DLGAP1: variants seen among roughly 807,000 people sequenced by gnomAD.
The protein encoded by DLGAP1 is DLG associated protein 1, also known as disks large-associated protein 1.
A neutral mutation model predicts 90.8 loss-of-function variants in DLGAP1; 11 were observed. The ratio of observed to expected loss-of-function variants is 0.12; its 90% CI spans 0.08 to 0.20. The LOEUF (loss-of-function observed/expected upper bound fraction) is 0.20, where lower values mean the gene tolerates loss of function less well. Among genes scored for constraint, DLGAP1 ranks in the 10% least tolerant of loss-of-function variants. The pLI is 1.00. For missense variants in DLGAP1, 1,050 were observed against 1,333.8 expected (o/e 0.79, Z 3.31); for synonymous variants, 558 against 540.7 (o/e 1.03, Z -0.44).
intron 1 of DLGAP1, among the ~76,000 whole-genome samples, chr18:4,286,703 A>G (rs1202865295): frequency 6.6e-6 from 1 of 152,200 alleles, no homozygotes; most frequent in African/African-American, 2.4e-5. Context: ...ACTGATTGCC[A>G]AGGAACAAGA....
rs538752876 is a variant in DLGAP1, at chr18:3,756,247, C to T, written c.1173-13735G>A. On this transcript the variant is annotated intron_variant, in intron 5 of 12. Transcript: ENST00000315677. The stretch of plus-strand genomic sequence containing the variant: ...TGTATTTTTAGTAGAGACGGGGTTT[C>T]GCCATGTTAGCCAGGATGGTCTCGA... Among the ~76,000 whole-genome samples the T allele has an allele frequency of 4.9e-4, 74 of 152,076 alleles. 1 individual carries two copies. The highest frequency in any genetic ancestry group is 1.4e-3 in the African/African-American group (58 of 41,490).
chr18:4,440,095 G>C (rs1182814118), intron 1 of DLGAP1, among the ~76,000 whole-genome samples: 1 of 132,642 alleles, frequency 7.5e-6, no homozygotes, highest in Non-Finnish European at 1.5e-5. Context: ...ACTCCAGCCT[G>C]GGTGACAGAG....
intron 2 of DLGAP1, among the ~76,000 whole-genome samples, chr18:4,044,508 C>A (rs557795125): frequency 3.3e-4 from 50 of 152,004 alleles, no homozygotes; most frequent in African/African-American, 1.1e-3. Context: ...TTTGGGAGGC[C>A]GAGGCAGGTG....
intron 1 of DLGAP1, among the ~76,000 whole-genome samples, chr18:4,375,091 A>G (rs944399060): frequency 2.6e-5 from 4 of 152,182 alleles, no homozygotes; most frequent in African/African-American, 9.6e-5. Context: ...CAGAAATTAA[A>G]TTGTATTTGA....
intron 7 of DLGAP1, among the ~76,000 whole-genome samples, chr18:3,610,122 A>C (rs923743683): frequency 6.6e-6 from 1 of 152,008 alleles, no homozygotes; most frequent in Non-Finnish European, 1.5e-5. Flanking sequence ...CTCAATTCAT[A>C]TGTCCTCTCC....
At chr18:3,948,086 C>T (rs1489418655) in intron 3 of DLGAP1, among the ~76,000 whole-genome samples, 1 of 152,158 alleles carries the variant, frequency 6.6e-6, no homozygotes, top group East Asian at 1.9e-4. Flanking sequence ...TACATCCAAT[C>T]TGCTGGGGCT....
chr18:3,797,549 G>A (rs2066061579), intron 5 of DLGAP1, among the ~76,000 whole-genome samples: 1 of 152,130 alleles, frequency 6.6e-6, no homozygotes, highest in Admixed American at 6.5e-5. Flanking sequence ...ACTACCAGAT[G>A]TAGGTCAAAG....
intron 4 of DLGAP1, among the ~76,000 whole-genome samples, chr18:3,818,090 T>A (rs2067193607): frequency 6.6e-6 from 1 of 152,160 alleles, no homozygotes. Context: ...AGGTTAGATT[T>A]TATAGTAGTT....
intron 10 of DLGAP1, among the ~76,000 whole-genome samples, chr18:3,525,036 T>G (rs922879362): frequency 6.6e-6 from 1 of 152,038 alleles, no homozygotes; most frequent in Non-Finnish European, 1.5e-5. Flanking sequence ...GAATGGATTC[T>G]CTAGTAGAAG....
At position 3,834,260 on chromosome 18, in the gene DLGAP1, C is replaced by G. The variant is rs555781280; in HGVS notation, c.958-19987G>C. Among the ~76,000 whole-genome samples, 50 of 143,232 alleles carry G rather than the reference C, an allele frequency of 3.5e-4. No individual in the cohort carries two copies. In the East Asian group the frequency reaches 6.2e-3, roughly 18 times the overall value. The allele number at this position is 143,232 out of a possible 152,430, so 94.0% of individuals were successfully genotyped here. Reference sequence around the variant, plus strand: ...GGCGGAGCTTGCAGTGAGCCGAGATCGCGCCACTGCACTCCAGCCTGGGAG... The same window carrying G: ...GGCGGAGCTTGCAGTGAGCCGAGATGGCGCCACTGCACTCCAGCCTGGGAG... On this transcript the variant is annotated intron_variant, in intron 4 of 12. Coordinates refer to ENST00000315677, the MANE Select transcript of DLGAP1 (RefSeq NM_004746.4).
intron 7 of DLGAP1, among the ~76,000 whole-genome samples, chr18:3,590,368 G>A (rs2056162626): frequency 6.6e-6 from 1 of 152,138 alleles, no homozygotes; most frequent in Admixed American, 6.5e-5. Flanking sequence ...TGACCTTGGT[G>A]TATTTACACC....
intron 5 of DLGAP1, among the ~76,000 whole-genome samples, chr18:3,801,780 C>A (rs538154626): frequency 6.6e-6 from 1 of 151,878 alleles, no homozygotes; most frequent in Non-Finnish European, 1.5e-5. Context: ...GAGAAAAGCA[C>A]AAGAAATGCA....
intron 1 of DLGAP1, among the ~76,000 whole-genome samples, chr18:4,453,122 G>T (rs1057421068): frequency 3.3e-5 from 5 of 152,084 alleles, no homozygotes; most frequent in Non-Finnish European, 7.4e-5. Flanking sequence ...GCGACTAGGG[G>T]TATTGCAAGG....
chr18:4,057,002 CAT>C (rs1193401275), intron 2 of DLGAP1, among the ~76,000 whole-genome samples: 44 of 93,992 alleles, frequency 4.7e-4, no homozygotes, highest in South Asian at 1.9e-3. Context: ...ACTGACCATA[CAT>C]ACACACACAC....
chr18:3,745,919 C>T (rs2063251287), intron 5 of DLGAP1, among the ~76,000 whole-genome samples: 1 of 152,074 alleles, frequency 6.6e-6, no homozygotes, highest in Non-Finnish European at 1.5e-5. Flanking sequence ...GAACTCCTGA[C>T]CTCAAGGGAT....
intron 2 of DLGAP1, among the ~76,000 whole-genome samples, chr18:4,040,554 T>C (rs1037415039): frequency 6.6e-6 from 1 of 152,200 alleles, no homozygotes; most frequent in Non-Finnish European, 1.5e-5. Flanking sequence ...GTAGAAACTA[T>C]GAAGTAAGTG....
intron 11 of DLGAP1, among the ~76,000 whole-genome samples, chr18:3,505,132 G>GACTTAAGCAGTGCCGCC (rs1555657989): frequency 6.6e-6 from 1 of 151,908 alleles, no homozygotes; most frequent in Admixed American, 6.5e-5. Context: ...TGCAGCTGTG[G>GACTTAAGCAGTGCCGCC]ACCAGGCCAC....
At chr18:3,912,288 A>G (rs1469197066) in intron 3 of DLGAP1, among the ~76,000 whole-genome samples, 1 of 152,208 alleles carries the variant, frequency 6.6e-6, no homozygotes, top group Admixed American at 6.5e-5. Context: ...AACTGTTGTC[A>G]GAGCACCTAC....
At chr18:4,118,389 C>T (rs1383499278) in intron 2 of DLGAP1, among the ~76,000 whole-genome samples, 1 of 152,102 alleles carries the variant, frequency 6.6e-6, no homozygotes, top group African/African-American at 2.4e-5. Context: ...GTGGCCTGTA[C>T]CTTCCTGGCT....
Sources: gnomAD v4.1 joint callset for allele counts (sites outside exome capture counted in the v4.1 genomes callset) on GRCh38, gnomAD v4.1.1 for gene constraint, MANE v1.5 for transcripts, NCBI Gene and HGNC (gene_info 2026-07-23, HGNC 2026-07-21) for gene names.